The following SSBP2 variants were observed in gnomAD, a reference collection of about 807,000 sequenced individuals.
The protein encoded by SSBP2 is single stranded DNA binding protein 2.
A neutral mutation model predicts 61.8 loss-of-function variants in SSBP2; 17 were observed. That is an observed-to-expected ratio of 0.28 (90% CI 0.19 to 0.41). The LOEUF (loss-of-function observed/expected upper bound fraction) is 0.41, where lower values mean the gene tolerates loss of function less well. Among genes scored for constraint, SSBP2 ranks in the 10% least tolerant of loss-of-function variants. The pLI is 1.00. For synonymous variants in SSBP2, 139 were observed against 141.3 expected (o/e 0.98, Z 0.12); for missense variants, 310 against 458.7 (o/e 0.68, Z 2.96).
chr5:81,540,053 C>T (rs1424814312), intron 4 of SSBP2, among the ~76,000 whole-genome samples: 1 of 152,128 alleles, frequency 6.6e-6, no homozygotes, highest in African/African-American at 2.4e-5. Context: ...TCGTCCATGT[C>T]CCTACAAAGG....
At chr5:81,721,979 G>T (rs892162663) in intron 1 of SSBP2, among the ~76,000 whole-genome samples, 1 of 151,728 alleles carries the variant, frequency 6.6e-6, no homozygotes, top group African/African-American at 2.4e-5. Flanking sequence ...TAAAAGTTAT[G>T]GTCTAAACAC....
At chr5:81,652,565 C>A (rs35211801) in intron 1 of SSBP2, among the ~76,000 whole-genome samples, 2 of 152,070 alleles carry the variant, frequency 1.3e-5, no homozygotes, top group Non-Finnish European at 2.9e-5. Context: ...AAGTGGGATC[C>A]GGCTGAGAAA....
intron 2 of SSBP2, among the ~76,000 whole-genome samples, chr5:81,638,224 G>T (rs1236001337): frequency 6.6e-6 from 1 of 150,994 alleles, no homozygotes; most frequent in African/African-American, 2.4e-5. Context: ...TGCACATTGT[G>T]CACATGTACC....
At chr5:81,705,172 T>C (rs1331047396) in intron 1 of SSBP2, among the ~76,000 whole-genome samples, 1 of 152,170 alleles carries the variant, frequency 6.6e-6, no homozygotes, top group African/African-American at 2.4e-5. Context: ...AAATAGTATA[T>C]ATAGTGCCTA....
chr5:81,749,003 A>G (rs948745577), intron 1 of SSBP2, among the ~76,000 whole-genome samples: 1 of 152,198 alleles, frequency 6.6e-6, no homozygotes, highest in Non-Finnish European at 1.5e-5. Context: ...TGATTCTCAA[A>G]TTCAGTCACC....
chr5:81,702,215 C>T lies in SSBP2; in HGVS notation c.62+48766G>A, dbSNP rs115258797. 1.3e-3 allele frequency among the ~76,000 whole-genome samples: 199 copies of T among 152,072 alleles called. 3 individuals are homozygous for T. Among genetic ancestry groups the T allele is most frequent in the East Asian group, 7.4e-3 (38 of 5,164 alleles). The stretch of plus-strand genomic sequence containing the variant: ...ATGAAACCACGTCTCTACTAAAATA[C>T]GAAAAATTAGCTGGGCGTGGTGGCG... On this transcript the variant is annotated intron_variant, in intron 1 of 16. Coordinates refer to ENST00000320672, the MANE Select transcript of SSBP2 (RefSeq NM_012446.5).
In SSBP2 at chr5:81,429,013, C is replaced by T. The variant is rs190965239; in HGVS notation, c.958-330G>A. On this transcript the variant is annotated intron_variant, in intron 15 of 16. Transcript: ENST00000320672. ...GAGTTTAAAACATTCCCAGCAGGGG[C>T]ATGATGAAGAGATCCTACCCACTGA... Among the ~76,000 whole-genome samples, 1,234 of 152,184 alleles carry T rather than the reference C, an allele frequency of 8.1e-3. 8 individuals are homozygous for T. Among genetic ancestry groups the T allele is most frequent in the Non-Finnish European group, 9.3e-3 (633 of 67,982 alleles).
intron 1 of SSBP2, among the ~76,000 whole-genome samples, chr5:81,656,334 G>A (rs1750204968): frequency 6.6e-6 from 1 of 152,248 alleles, no homozygotes; most frequent in South Asian, 2.1e-4. Context: ...ACAGGCATGA[G>A]CCATCACGCC....
chr5:81,493,541 G>A (rs868267488), intron 5 of SSBP2, among the ~76,000 whole-genome samples: 3 of 152,116 alleles, frequency 2.0e-5, no homozygotes, highest in South Asian at 2.1e-4. Context: ...GGATCATGAC[G>A]TCAGCAGTTC....
At chr5:81,468,177 TA>T in intron 8 of SSBP2, among the ~76,000 whole-genome samples, 1 of 152,162 alleles carries the variant, frequency 6.6e-6, no homozygotes, top group Non-Finnish European at 1.5e-5. Context: ...TAGCCCAAGC[TA>T]AGAATTTCCA....
intron 1 of SSBP2, among the ~76,000 whole-genome samples, chr5:81,730,899 TGAAAA>T (rs762002853): frequency 6.6e-6 from 1 of 151,648 alleles, no homozygotes; most frequent in Non-Finnish European, 1.5e-5. Flanking sequence ...AATAAGCAAA[TGAAAA>T]GAAAATAATT....
chr5:81,686,268 C>T (rs904588108), intron 1 of SSBP2, among the ~76,000 whole-genome samples: 5 of 152,068 alleles, frequency 3.3e-5, no homozygotes, highest in Admixed American at 6.6e-5. Context: ...TTACAGTGAT[C>T]GCAAGTGAAG....
chr5:81,622,954 A>G (rs999244291), intron 3 of SSBP2, among the ~76,000 whole-genome samples: 2 of 152,248 alleles, frequency 1.3e-5, no homozygotes, highest in African/African-American at 4.8e-5. Flanking sequence ...AGAAAACAAT[A>G]AAAACAAAAA....
At chr5:81,719,486 T>C (rs1378944889) in intron 1 of SSBP2, among the ~76,000 whole-genome samples, 1 of 152,146 alleles carries the variant, frequency 6.6e-6, no homozygotes, top group East Asian at 1.9e-4. Context: ...GTGCCCAAGG[T>C]TTCTATCCAT....
intron 4 of SSBP2, among the ~76,000 whole-genome samples, chr5:81,557,776 A>C (rs544666867): frequency 6.6e-6 from 1 of 152,258 alleles, no homozygotes; most frequent in African/African-American, 2.4e-5. Flanking sequence ...AGTGTTTTAA[A>C]GTATTTTCTA....
intron 4 of SSBP2, among the ~76,000 whole-genome samples, chr5:81,552,403 C>T (rs1331536344): frequency 6.6e-6 from 1 of 152,052 alleles, no homozygotes; most frequent in Non-Finnish European, 1.5e-5. Flanking sequence ...TTTTGGGAGG[C>T]CCAGGTGGGT....
intron 8 of SSBP2, among the ~76,000 whole-genome samples, chr5:81,471,185 T>G (rs2154020248): frequency 6.6e-6 from 1 of 151,898 alleles, no homozygotes; most frequent in South Asian, 2.1e-4. Flanking sequence ...AATAAACCAC[T>G]TTCTCTGGTT....
chr5:81,575,684 T>G (rs562281384), intron 4 of SSBP2, among the ~76,000 whole-genome samples: 1 of 152,244 alleles, frequency 6.6e-6, no homozygotes, highest in South Asian at 2.1e-4. Context: ...GTAATTACAT[T>G]AAGTAAAAAT....
rs531238102 is a variant in SSBP2 at position 81,526,194 on chromosome 5, A to G, written c.283-12477T>C. Reference sequence around the variant, plus strand: ...GAAATTTACAGAAATTAAACTCATAAGAAGAAACTTAAAGTCAAAAAATTC... The same window carrying G: ...GAAATTTACAGAAATTAAACTCATAGGAAGAAACTTAAAGTCAAAAAATTC... On this transcript the variant is annotated intron_variant, in intron 4 of 16. Coordinates refer to ENST00000320672, the MANE Select transcript of SSBP2 (RefSeq NM_012446.5). Among the ~76,000 whole-genome samples, 183 of 152,180 alleles carry G rather than the reference A, an allele frequency of 1.2e-3. 1 individual carries two copies. In the Middle Eastern group the frequency reaches 0.031, roughly 25 times the overall value.
Sources: gnomAD v4.1 joint callset for allele counts (sites outside exome capture counted in the v4.1 genomes callset) on GRCh38, gnomAD v4.1.1 for gene constraint, MANE v1.5 for transcripts, NCBI Gene and HGNC (gene_info 2026-07-23, HGNC 2026-07-21) for gene names.